The following RNF166 variants were observed in gnomAD, a reference collection of about 807,000 sequenced individuals.
The protein encoded by RNF166 is ring finger protein 166.
A neutral mutation model predicts 29.4 loss-of-function variants in RNF166; 19 were observed. That is an observed-to-expected ratio of 0.65 (90% confidence interval 0.45 to 0.95). The LOEUF is 0.95. Among genes scored for constraint, RNF166 ranks in the 40% least tolerant of loss-of-function variants. The probability of loss-of-function intolerance (pLI) is 0.00; values close to 1 mark genes in which losing one functional copy is unlikely to be tolerated. For synonymous variants in RNF166, 171 were observed against 134.5 expected, an observed-to-expected ratio of 1.27 and a Z score of -1.88; for missense variants, 347 against 322.1, an observed-to-expected ratio of 1.08 and a Z score of -0.59.
rs1472737548 is a variant in RNF166 at position 88,706,349 on chromosome 16, C to T, written c.-24G>A. ...ATCCCGGGGCCAGGCCCGCGCCGCC[C>T]GCCGCCCGCTGTCCTGGCCCGGGCC... On this transcript the variant is annotated 5_prime_UTR_variant, in exon 1 of 6. Transcript: ENST00000312838. The T allele has an allele frequency of 1.6e-6, 2 of 1,215,610 alleles. No individual in the cohort carries two copies. Among genetic ancestry groups the T allele is most frequent in the Middle Eastern group, 6.4e-4 (2 of 3,128 alleles). 75.3% of individuals were successfully genotyped at this position (1,215,610 alleles called of 1,614,324 possible). A position where few individuals can be genotyped will look rare whatever the true frequency, so the allele number is the denominator to read the frequency against.
intron 4 of RNF166, 49 bp downstream of exon 4, chr16:88,698,922 C>G: frequency 5.7e-6 from 8 of 1,400,210 alleles, no homozygotes; most frequent in Non-Finnish European, 7.9e-6. Context: ...GTACTGTCCC[C>G]CACAGGCCTC....
At chr16:88,699,306 ACT>A (rs1054740809) in intron 3 of RNF166, among the ~76,000 whole-genome samples, 4 of 152,180 alleles carry the variant, frequency 2.6e-5, no homozygotes, top group African/African-American at 7.2e-5. Context: ...AACGGCAGAG[ACT>A]CTGCTGGCGC....
chr16:88,700,591 C>A, intron 2 of RNF166: 1 of 985,444 alleles, frequency 1.0e-6, no homozygotes, highest in Non-Finnish European at 1.2e-6. Context: ...GATGTGGCAA[C>A]GTCGGGAAAC....
At position 88,706,128 on chromosome 16, in the gene RNF166, G is replaced by A; in HGVS notation, c.155+43C>T. 3 of 1,119,628 alleles carry A rather than the reference G, an allele frequency of 2.7e-6. 1 individual carries two copies. The highest frequency in any genetic ancestry group is 3.3e-6 in the Non-Finnish European group (3 of 920,844). The allele number at this position is 1,119,628 out of a possible 1,614,324, so 69.4% of individuals were successfully genotyped here. On this transcript the variant is annotated intron_variant, in intron 1 of 5. Transcript: ENST00000312838. The stretch of plus-strand genomic sequence containing the variant: ...CGGCCTCGCGACCCCTCCCGCGGCG[G>A]GGCACGGCCCCCTCCCCGCGGCCCC...
In RNF166 at chr16:88,706,354, CCCGCTGT is replaced by C; in HGVS notation, c.-36_-30del. 1 of 1,215,052 alleles carries C rather than the reference CCCGCTGT, an allele frequency of 8.2e-7. No homozygotes were observed. Among genetic ancestry groups the C allele is most frequent in the Admixed American group, 4.4e-5 (1 of 22,692 alleles). The allele number at this position is 1,215,052 out of a possible 1,614,324, so 75.3% of individuals were successfully genotyped here. ...GGGGCCAGGCCCGCGCCGCCCGCCG[CCCGCTGT>C]CCTGGCCCGGGCCGGCCCGCTAGTC... is the stretch of plus-strand genomic sequence containing the variant. On this transcript the variant is annotated 5_prime_UTR_variant, in exon 1 of 6. Transcript: ENST00000312838.
chr16:88,701,005 C>T (rs1313254883), intron 2 of RNF166: 3 of 1,363,490 alleles, frequency 2.2e-6, no homozygotes, highest in Non-Finnish European at 1.9e-6. Flanking sequence ...ACGTGGGTTC[C>T]CCTGGCCCGG....
intron 1 of RNF166, among the ~76,000 whole-genome samples, chr16:88,705,438 C>T (rs1329521967): frequency 6.6e-6 from 1 of 152,226 alleles, no homozygotes; most frequent in East Asian, 1.9e-4. Context: ...CTGATCTAGG[C>T]TTCCTCCCAA....
rs1359706280 is a variant in RNF166, at chr16:88,696,549, A to T, written c.*1019T>A. On this transcript the variant is annotated 3_prime_UTR_variant, in exon 6 of 6. Transcript: ENST00000312838. Reference sequence around the variant, plus strand: ...CTTTTTTTTTTAAAAAAAAGACAGCAATAATTAATGCCAAGAACAGAAAAG... The same window carrying T: ...CTTTTTTTTTTAAAAAAAAGACAGCTATAATTAATGCCAAGAACAGAAAAG... The T allele has an allele frequency of 2.3e-6, 1 of 440,456 alleles. No homozygotes were observed. The highest frequency in any genetic ancestry group is 2.1e-5 in the African/African-American group (1 of 48,648). The allele number at this position is 440,456 out of a possible 1,614,324, so 27.3% of individuals were successfully genotyped here. A position where few individuals can be genotyped will look rare whatever the true frequency, so the allele number is the denominator to read the frequency against.
intron 5 of RNF166, chr16:88,698,214 G>A: frequency 3.2e-6 from 2 of 618,112 alleles, no homozygotes; most frequent in East Asian, 5.5e-5. Flanking sequence ...AAGGAAGCCT[G>A]GCTCACCCTC....
At chr16:88,698,363 G>T in intron 5 of RNF166, 139 bp downstream of exon 5, 1 of 760,344 alleles carries the variant, frequency 1.3e-6, no homozygotes, top group Non-Finnish European at 2.3e-6. Flanking sequence ...AGAACCTGGG[G>T]GAATGTGGCC....
intron 5 of RNF166, chr16:88,698,103 G>C (rs1307265749): frequency 1.7e-6 from 1 of 584,550 alleles, no homozygotes; most frequent in African/African-American, 1.9e-5. Context: ...AGGCCCGGGG[G>C]CCAGGTGTGT....
chr16:88,701,142 A>C (rs1910179610), intron 2 of RNF166, 120 bp downstream of exon 2: 2 of 1,352,400 alleles, frequency 1.5e-6, no homozygotes, highest in East Asian at 4.7e-5. Flanking sequence ...GCAGGAGCAG[A>C]GACCGCGATT....
chr16:88,698,991 G>C lies in RNF166; in HGVS notation c.520C>G (p.Arg174Gly). The C allele has an allele frequency of 6.2e-7, 1 of 1,602,604 alleles. No homozygotes were observed. Among genetic ancestry groups the C allele is most frequent in the Non-Finnish European group, 8.5e-7 (1 of 1,174,986 alleles). The change falls in exon 4 of 6, where the codon CGC (arginine) becomes GGC (glycine). Residue 174 changes from arginine (R) to glycine (G), a missense_variant. Physicochemically the swap from Arg to Gly is moderately radical, Grantham distance 125. Coordinates refer to ENST00000312838, the MANE Select transcript of RNF166 (RefSeq NM_178841.4). Reference sequence around the variant, plus strand: ...CTCACCACGCGGTTGGGGTCGCTGCGGTGGCTTTCCACACAGTGCTTCACC... The same window carrying C: ...CTCACCACGCGGTTGGGGTCGCTGCCGTGGCTTTCCACACAGTGCTTCACC... ...ELVKHCVESH[R>G]SDPNRVVCPI...
Position 88,696,654 on chromosome 16 carries a change from C to T in RNF166, c.*914G>A, listed in dbSNP as rs1215348537. The stretch of plus-strand genomic sequence containing the variant: ...TCTGCCACCACTGGGGTGCCGTCCC[C>T]TCCCGCAGCGGGGCACAGTCAGCTT... On this transcript the variant is annotated 3_prime_UTR_variant, in exon 6 of 6. Coordinates refer to ENST00000312838, the MANE Select transcript of RNF166 (RefSeq NM_178841.4). 2 of 443,006 alleles carry T rather than the reference C, an allele frequency of 4.5e-6. No individual in the cohort carries two copies. The highest frequency in any genetic ancestry group is 1.6e-5 in the South Asian group (1 of 61,956). The allele number at this position is 443,006 out of a possible 1,614,324, so 27.4% of individuals were successfully genotyped here.
In RNF166 at chr16:88,706,345, C is replaced by T. The variant is rs1422460673; in HGVS notation, c.-20G>A. On this transcript the variant is annotated 5_prime_UTR_variant, in exon 1 of 6. Coordinates refer to ENST00000312838, the MANE Select transcript of RNF166 (RefSeq NM_178841.4). ...AGCCATCCCGGGGCCAGGCCCGCGC[C>T]GCCCGCCGCCCGCTGTCCTGGCCCG... 1.5e-5 allele frequency: 18 copies of T among 1,212,474 alleles called. No individual in the cohort carries two copies. Among genetic ancestry groups the T allele is most frequent in the East Asian group, 3.5e-5 (1 of 28,800 alleles). The allele number at this position is 1,212,474 out of a possible 1,614,324, so 75.1% of individuals were successfully genotyped here. A position where few individuals can be genotyped will look rare whatever the true frequency, so the allele number is the denominator to read the frequency against.
intron 4 of RNF166, 101 bp downstream of exon 4, chr16:88,698,870 C>T (rs1468155204): frequency 2.1e-6 from 2 of 963,186 alleles, no homozygotes; most frequent in African/African-American, 3.2e-5. Context: ...CCTTTGTGGC[C>T]TGGGCACCCC....
At position 88,706,202 on chromosome 16, in the gene RNF166, G is replaced by A; in HGVS notation, c.124C>T (p.Arg42Trp). 1.5e-6 allele frequency: 2 copies of A among 1,307,484 alleles called. No homozygotes were observed. Among genetic ancestry groups the A allele is most frequent in the Non-Finnish European group, 9.8e-7 (1 of 1,023,142 alleles). 81.0% of individuals were successfully genotyped at this position (1,307,484 alleles called of 1,614,324 possible). A position where few individuals can be genotyped will look rare whatever the true frequency, so the allele number is the denominator to read the frequency against. ...CCGCAGCTGCCGATGGCCACGGGCC[G>A]GTGATAGACCTCCAGGCAGATGGGG... Reference protein sequence around the residue: ...TCPICLEVYHRPVAIGSCGHT... With the variant: ...TCPICLEVYHWPVAIGSCGHT... Residue 42 changes from arginine (R) to tryptophan (W), a missense_variant, in exon 1 of 6, where the codon CGG (arginine) becomes TGG (tryptophan). By Grantham distance (101) the Arg-to-Trp change is moderately radical. Coordinates refer to ENST00000312838, the MANE Select transcript of RNF166 (RefSeq NM_178841.4).
intron 1 of RNF166, 75 bp from the exon 2 acceptor site, chr16:88,701,493 C>T (rs1910226922): frequency 3.6e-6 from 5 of 1,390,190 alleles, no homozygotes; most frequent in East Asian, 5.0e-5. Flanking sequence ...CGGGGCCCTT[C>T]TTAGGACCCA....
At chr16:88,700,082 C>T (rs1398975885) in intron 2 of RNF166, 1 of 178,128 alleles carries the variant, frequency 5.6e-6, no homozygotes, top group Non-Finnish European at 1.2e-5. Flanking sequence ...ATGCCCCAGG[C>T]TGGGGACAGA....
Sources: gnomAD v4.1 joint callset for allele counts (sites outside exome capture counted in the v4.1 genomes callset) on GRCh38, gnomAD v4.1.1 for gene constraint, MANE v1.5 for transcripts, NCBI Gene and HGNC (gene_info 2026-07-23, HGNC 2026-07-21) for gene names.